PDE8B: variants seen among roughly 807,000 people sequenced by gnomAD.
PDE8B encodes phosphodiesterase 8B, also known as high affinity cAMP-specific and IBMX-insensitive 3',5'-cyclic phosphodiesterase 8B.
In PDE8B, 26 loss-of-function variants were observed where a neutral mutation model predicts 101.3. The ratio of observed to expected loss-of-function variants is 0.26; its 90% CI spans 0.19 to 0.36. The LOEUF (loss-of-function observed/expected upper bound fraction) is 0.36, where lower values mean the gene tolerates loss of function less well. PDE8B is among the 10% of genes least tolerant of loss of function. PDE8B has a pLI of 1.00. For synonymous variants in PDE8B, 424 were observed against 429.3 expected (o/e 0.99, Z 0.15); for missense variants, 810 against 1,163.1 (o/e 0.70, Z 4.42).
At chr5:77,271,650 CAGA>C (rs1444788518) in intron 1 of PDE8B, among the ~76,000 whole-genome samples, 1 of 152,018 alleles carries the variant, frequency 6.6e-6, no homozygotes, top group East Asian at 1.9e-4. Flanking sequence ...AGGAGGAGGC[CAGA>C]AGAAGTGGAA....
intron 10 of PDE8B, among the ~76,000 whole-genome samples, chr5:77,382,422 G>A (rs1056149767): frequency 3.9e-5 from 6 of 152,134 alleles, no homozygotes; most frequent in African/African-American, 7.2e-5. Flanking sequence ...ATAGCCTTCC[G>A]TGAGGTTTTT....
chr5:77,202,776 T>A, the PDE8B span, among the ~76,000 whole-genome samples: 1 of 152,094 alleles, frequency 6.6e-6, no homozygotes, highest in Non-Finnish European at 1.5e-5. Context: ...TGTGCCACCA[T>A]GCCTGGCTAA....
intron 1 of PDE8B, among the ~76,000 whole-genome samples, chr5:77,230,442 G>A (rs1310829840): frequency 6.6e-6 from 1 of 152,148 alleles, no homozygotes; most frequent in African/African-American, 2.4e-5. Flanking sequence ...ATCTCAAGGG[G>A]TCTGCCCAGC....
chr5:77,328,013 A>G (rs1776381813), intron 3 of PDE8B, among the ~76,000 whole-genome samples: 1 of 152,196 alleles, frequency 6.6e-6, no homozygotes, highest in South Asian at 2.1e-4. Context: ...AATACATTAA[A>G]GTAGAGAGGA....
intron 1 of PDE8B, among the ~76,000 whole-genome samples, chr5:77,263,542 C>T (rs547249253): frequency 2.9e-4 from 44 of 152,238 alleles, no homozygotes; most frequent in African/African-American, 1.0e-3. Context: ...AGGAACCCAT[C>T]CTCCTGTTTC....
rs144879828 is a variant in PDE8B at position 77,254,278 on chromosome 5, A to G, written c.339+43014A>G. ...GAATCCCTTACTTTTAAAAGTAGAT[A>G]TGCATTATGCTCGGAAAAGAACTAC... is the stretch of plus-strand genomic sequence containing the variant. On this transcript the variant is annotated intron_variant, in intron 1 of 21. Transcript: ENST00000264917. Among the ~76,000 whole-genome samples, 14 of 152,334 alleles carry G rather than the reference A, an allele frequency of 9.2e-5. No individual in the cohort carries two copies. The East Asian group carries it at 2.7e-3, about 29-fold the overall frequency.
chr5:77,117,167 T>G, the PDE8B span, among the ~76,000 whole-genome samples: 1 of 152,186 alleles, frequency 6.6e-6, no homozygotes, highest in South Asian at 2.1e-4. Context: ...CGGGTAGAGG[T>G]TGGAATGAGA....
the PDE8B span, among the ~76,000 whole-genome samples, chr5:77,155,049 C>T: frequency 6.6e-6 from 1 of 152,108 alleles, no homozygotes; most frequent in South Asian, 2.1e-4. Flanking sequence ...GTGGCCTTGG[C>T]TCAATGTTGC....
At chr5:77,271,037 G>A (rs1330874832) in intron 1 of PDE8B, among the ~76,000 whole-genome samples, 1 of 152,164 alleles carries the variant, frequency 6.6e-6, no homozygotes, top group Non-Finnish European at 1.5e-5. Context: ...GGGGACACTG[G>A]CTAAGCTCCC....
chr5:77,226,671 A>G (rs1752458012), intron 1 of PDE8B, among the ~76,000 whole-genome samples: 1 of 152,182 alleles, frequency 6.6e-6, no homozygotes, highest in African/African-American at 2.4e-5. Flanking sequence ...TCATACAAAG[A>G]CTTTCCTTGG....
At chr5:77,378,623 C>T (rs34093656) in intron 10 of PDE8B, among the ~76,000 whole-genome samples, 4 of 151,990 alleles carry the variant, frequency 2.6e-5, no homozygotes, top group African/African-American at 9.7e-5. Flanking sequence ...AGAGAGCTTG[C>T]GAGTCAGTAG....
intron 1 of PDE8B, among the ~76,000 whole-genome samples, chr5:77,295,291 C>T (rs553162181): frequency 2.8e-4 from 43 of 152,112 alleles, no homozygotes; most frequent in Non-Finnish European, 4.7e-4. Flanking sequence ...AATGAATTTC[C>T]CATTAACCCT....
chr5:77,418,544 G>C (rs532177007), intron 18 of PDE8B, 98 bp downstream of exon 18: 1 of 827,402 alleles, frequency 1.2e-6, no homozygotes, highest in African/African-American at 1.7e-5. Flanking sequence ...AATATTAGCT[G>C]TCCCACTGTA....
chr5:77,146,773 G>A, the PDE8B span: 6 of 311,520 alleles, frequency 1.9e-5, no homozygotes, highest in East Asian at 8.6e-5. Flanking sequence ...AACAAGGCTC[G>A]TTATGAAAGA....
At chr5:77,254,400 A>G (rs1168470493) in intron 1 of PDE8B, among the ~76,000 whole-genome samples, 1 of 152,140 alleles carries the variant, frequency 6.6e-6, no homozygotes, top group Non-Finnish European at 1.5e-5. Context: ...AAAAAAATTG[A>G]AATAATTGCA....
chr5:77,299,974 G>C (rs1036823815), intron 1 of PDE8B, among the ~76,000 whole-genome samples: 1 of 152,218 alleles, frequency 6.6e-6, no homozygotes, highest in African/African-American at 2.4e-5. Context: ...GTATGCAGTG[G>C]AGTAGGCCAG....
At chr5:77,274,003 G>C (rs1250118868) in intron 1 of PDE8B, among the ~76,000 whole-genome samples, 1 of 151,804 alleles carries the variant, frequency 6.6e-6, no homozygotes, top group Non-Finnish European at 1.5e-5. Flanking sequence ...TGTATTTTTA[G>C]TAGAGACAAA....
intron 2 of PDE8B, among the ~76,000 whole-genome samples, chr5:77,314,985 G>A (rs2150145033): frequency 6.6e-6 from 1 of 152,046 alleles, no homozygotes; most frequent in East Asian, 1.9e-4. Context: ...CTTTTGTGAA[G>A]CGTTTGGTCA....
intron 6 of PDE8B, among the ~76,000 whole-genome samples, chr5:77,338,894 G>A (rs554721896): frequency 2.6e-5 from 4 of 152,228 alleles, no homozygotes; most frequent in African/African-American, 9.6e-5. Flanking sequence ...TGGTTTTTTA[G>A]GCAACATTAC....
Sources: allele counts gnomAD v4.1 joint callset (sites outside exome capture counted in the v4.1 genomes callset), GRCh38; gene constraint gnomAD v4.1.1; transcripts MANE v1.5; gene names NCBI Gene and HGNC (gene_info 2026-07-23, HGNC 2026-07-21).